Variants in SLC2A13 observed in about 807,000 individuals in gnomAD.
SLC2A13 encodes solute carrier family 2 member 13.
SLC2A13 carries 32 observed loss-of-function variants against 64.4 expected under a neutral mutation model. That is an observed-to-expected ratio of 0.50 (90% CI 0.37 to 0.67). The LOEUF is 0.67. Ranked by LOEUF, SLC2A13 falls within the 30% of genes least tolerant of loss-of-function variation. The pLI, the probability that SLC2A13 is intolerant of heterozygous loss-of-function variation, is 0.00. For missense variants in SLC2A13, 743 were observed against 829.2 expected, an observed-to-expected ratio of 0.90 and a Z score of 1.28; for synonymous variants, 338 against 327.1, an observed-to-expected ratio of 1.03 and a Z score of -0.36.
chr12:40,009,736 C>G (rs1315873232), intron 3 of SLC2A13, among the ~76,000 whole-genome samples: 2 of 152,164 alleles, frequency 1.3e-5, no homozygotes, highest in African/African-American at 4.8e-5. Context: ...TGCCTGGCGA[C>G]AGTTTCTTTT....
intron 7 of SLC2A13, among the ~76,000 whole-genome samples, chr12:39,807,853 T>C (rs575082677): frequency 6.6e-6 from 1 of 152,146 alleles, no homozygotes; most frequent in Non-Finnish European, 1.5e-5. Flanking sequence ...TTGTCTGTGA[T>C]GAAAAGTGTC....
At chr12:39,862,514 G>A (rs562030378) in intron 6 of SLC2A13, among the ~76,000 whole-genome samples, 2 of 152,220 alleles carry the variant, frequency 1.3e-5, no homozygotes, top group East Asian at 3.9e-4. Context: ...TAATAGAATA[G>A]AATATGATGT....
chr12:39,874,752 A>G (rs993237876), intron 4 of SLC2A13, among the ~76,000 whole-genome samples: 6 of 152,166 alleles, frequency 3.9e-5, no homozygotes, highest in Non-Finnish European at 7.3e-5. Context: ...GGAAATCACA[A>G]AGCGAAGTTT....
intron 4 of SLC2A13, among the ~76,000 whole-genome samples, chr12:39,878,550 T>C (rs984404154): frequency 2.6e-5 from 4 of 152,220 alleles, no homozygotes; most frequent in South Asian, 2.1e-4. Flanking sequence ...GAGCTTGAGA[T>C]TGATTACTAC....
rs1565527663 is a variant in SLC2A13 at position 39,896,256 on chromosome 12, GTATATGTGTGTATATATGTATA to G, written c.1035-24317_1035-24296del. Among the ~76,000 whole-genome samples the G allele has an allele frequency of 3.4e-3, 301 of 88,854 alleles. 1 individual carries two copies. The highest frequency in any genetic ancestry group is 5.9e-3 in the Non-Finnish European group (239 of 40,678). The allele number at this position is 88,854 out of a possible 152,430, so 58.3% of individuals were successfully genotyped here. A position where few individuals can be genotyped will look rare whatever the true frequency, so the allele number is the denominator to read the frequency against. Reference sequence around the variant, plus strand: ...TATGTGTATATATGTATACATGTATGTATATGTGTGTATATATGTATACATGTATGTATATGTGTGTATATAT... The same window carrying G: ...TATGTGTATATATGTATACATGTATGCATGTATGTATATGTGTGTATATAT... On this transcript the variant is annotated intron_variant, in intron 4 of 9. Transcript: ENST00000280871.
rs1388864065 is a variant in SLC2A13, at chr12:39,951,445, T to G, written c.926-80A>C. On this transcript the variant is annotated intron_variant, in intron 3 of 9. Coordinates refer to ENST00000280871, the MANE Select transcript of SLC2A13 (RefSeq NM_052885.4). ...GTAATTATTCCCAATAGGACAAATTTTCCTAAATCTTCATGAAATCAACAT... is the reference window on the plus strand; with the variant it reads ...GTAATTATTCCCAATAGGACAAATTGTCCTAAATCTTCATGAAATCAACAT... 2.7e-6 allele frequency: 3 copies of G among 1,109,954 alleles called. No homozygotes were observed. In the African/African-American group the frequency reaches 4.8e-5, roughly 18 times the overall value. The allele number at this position is 1,109,954 out of a possible 1,614,324, so 68.8% of individuals were successfully genotyped here.
At chr12:39,984,288 C>T (rs1257468660) in intron 3 of SLC2A13, among the ~76,000 whole-genome samples, 2 of 151,546 alleles carry the variant, frequency 1.3e-5, no homozygotes, top group African/African-American at 4.9e-5. Flanking sequence ...ATGTAACTAA[C>T]CTGCACAATG....
intron 5 of SLC2A13, among the ~76,000 whole-genome samples, chr12:39,866,632 A>C (rs1943919272): frequency 6.6e-6 from 1 of 151,742 alleles, no homozygotes; most frequent in South Asian, 2.1e-4. Flanking sequence ...GGCGCCCGCC[A>C]CCTCGCCCGG....
intron 4 of SLC2A13, among the ~76,000 whole-genome samples, chr12:39,875,620 G>A (rs777440186): frequency 1.2e-4 from 18 of 152,224 alleles, no homozygotes; most frequent in Non-Finnish European, 2.6e-4. Context: ...TGAGAAGGAA[G>A]GAATGAAAGA....
At position 39,983,390 on chromosome 12, in the gene SLC2A13, C is replaced by G. The variant is rs375150193; in HGVS notation, c.926-32025G>C. Among the ~76,000 whole-genome samples the G allele has an allele frequency of 3.5e-5, 4 of 113,552 alleles. No individual in the cohort carries two copies. The East Asian group carries it at 8.0e-4, about 23-fold the overall frequency. The allele number at this position is 113,552 out of a possible 152,430, so 74.5% of individuals were successfully genotyped here. A position where few individuals can be genotyped will look rare whatever the true frequency, so the allele number is the denominator to read the frequency against. On this transcript the variant is annotated intron_variant, in intron 3 of 9. Coordinates refer to ENST00000280871, the MANE Select transcript of SLC2A13 (RefSeq NM_052885.4). ...AGAAACTACCATCAGAGTGAACAGA[C>G]AACCTACAACATGGGAGAAAATTTT... is the stretch of plus-strand genomic sequence containing the variant.
intron 3 of SLC2A13, among the ~76,000 whole-genome samples, chr12:39,995,713 G>C (rs1947216103): frequency 6.6e-6 from 1 of 152,158 alleles, no homozygotes; most frequent in Non-Finnish European, 1.5e-5. Context: ...ATTCCCATGT[G>C]TTGTGGGAGG....
chr12:39,768,818 C>T (rs1022906455), intron 7 of SLC2A13, among the ~76,000 whole-genome samples: 1 of 152,042 alleles, frequency 6.6e-6, no homozygotes, highest in Non-Finnish European at 1.5e-5. Flanking sequence ...TAAATGAGCA[C>T]ATACTATTGG....
chr12:39,968,933 T>C (rs1946588849), intron 3 of SLC2A13, among the ~76,000 whole-genome samples: 1 of 152,054 alleles, frequency 6.6e-6, no homozygotes, highest in African/African-American at 2.4e-5. Flanking sequence ...TATCTCCTAA[T>C]GCTTTCCCTC....
At chr12:39,960,600 G>C (rs563824673) in intron 3 of SLC2A13, among the ~76,000 whole-genome samples, 1 of 152,156 alleles carries the variant, frequency 6.6e-6, no homozygotes, top group Non-Finnish European at 1.5e-5. Context: ...GGCTGGTCTC[G>C]AACTCCTGAC....
chr12:39,770,383 T>C (rs1940518313), intron 7 of SLC2A13, among the ~76,000 whole-genome samples: 1 of 152,172 alleles, frequency 6.6e-6, no homozygotes, highest in African/African-American at 2.4e-5. Flanking sequence ...GAAGGCAGCA[T>C]GGGGCTGCTC....
chr12:39,912,862 C>T (rs886363621), intron 4 of SLC2A13, among the ~76,000 whole-genome samples: 6 of 152,020 alleles, frequency 3.9e-5, no homozygotes, highest in South Asian at 2.1e-4. Flanking sequence ...AGGACAAGTA[C>T]GTGGCCTACA....
chr12:39,885,766 T>C (rs1444330446), intron 4 of SLC2A13, among the ~76,000 whole-genome samples: 1 of 152,178 alleles, frequency 6.6e-6, no homozygotes, highest in Non-Finnish European at 1.5e-5. Context: ...TCTCAAACTT[T>C]AGTTTGAATT....
chr12:39,948,999 C>A (rs142692650), intron 4 of SLC2A13, among the ~76,000 whole-genome samples: 2 of 152,040 alleles, frequency 1.3e-5, no homozygotes, highest in East Asian at 3.8e-4. Flanking sequence ...AAGATACATA[C>A]ATATACACAC....
chr12:40,041,103 C>A (rs1948080327), intron 2 of SLC2A13, among the ~76,000 whole-genome samples: 1 of 152,164 alleles, frequency 6.6e-6, no homozygotes, highest in Non-Finnish European at 1.5e-5. Context: ...CAGGCGCCCA[C>A]CACCGCGCCC....
Sources: gnomAD v4.1 joint callset for allele counts (sites outside exome capture counted in the v4.1 genomes callset) on GRCh38, gnomAD v4.1.1 for gene constraint, MANE v1.5 for transcripts, NCBI Gene and HGNC (gene_info 2026-07-23, HGNC 2026-07-21) for gene names.